Variants in MYO15A observed in about 807,000 individuals in gnomAD.
MYO15A encodes the protein unconventional myosin-XV.
Under a neutral mutation model 394.6 loss-of-function variants are expected in MYO15A, and 308 were observed. The ratio of observed to expected loss-of-function variants is 0.78; its 90% CI spans 0.71 to 0.86. The LOEUF is 0.86. Among genes scored for constraint, MYO15A ranks in the 40% least tolerant of loss-of-function variants. The pLI, the probability that MYO15A is intolerant of heterozygous loss-of-function variation, is 0.00. For missense variants in MYO15A, 4,606 were observed against 4,799.1 expected (o/e 0.96, Z 1.19); for synonymous variants, 1,957 against 2,003.8 (o/e 0.98, Z 0.62).
intron 58 of MYO15A, among the ~76,000 whole-genome samples, chr17:18,162,893 G>A (rs946134210): frequency 4.6e-5 from 7 of 152,126 alleles, no homozygotes; most frequent in Non-Finnish European, 8.8e-5. Context: ...CCAGCTACTC[G>A]GGAGGCTAAG....
Position 18,121,600 on chromosome 17 carries a change from C to T in MYO15A, c.2800C>T (p.Pro934Ser), listed in dbSNP as rs2045934125. 1 of 1,599,272 alleles carries T rather than the reference C, an allele frequency of 6.3e-7. No individual in the cohort carries two copies. Among genetic ancestry groups the T allele is most frequent in the Non-Finnish European group, 8.5e-7 (1 of 1,172,412 alleles). Reference sequence around the variant, plus strand: ...GGCCCCCAGCTGGGACGTGGACATGCCTCCCACCCAACGCCCACCCTCCCC... The same window carrying T: ...GGCCCCCAGCTGGGACGTGGACATGTCTCCCACCCAACGCCCACCCTCCCC... ...PLAPSWDVDM[P>S]PTQRPPSPWP... Residue 934 changes from proline (P) to serine (S), a missense_variant, in exon 2 of 66, where the codon CCT becomes TCT. Pro to Ser is a moderately conservative substitution (Grantham distance 74). Transcript: ENST00000647165. The surrounding 1 kb of genome is among the most constrained non-coding windows in gnomAD (Gnocchi z 5.3).
Position 18,119,367 on chromosome 17 carries a change from G to T in MYO15A, c.567G>T (p.Arg189Ser). ...EILRPGGRLR[R>S]FPRSRSIYAS... ...TGCGGCCTGGGGGCCGGCTCCGGAG[G>T]TTCCCCCGCAGCCGCAGCATCTACG... Residue 189 changes from arginine to serine, a missense_variant, in exon 2 of 66, where the codon AGG becomes AGT. Arg to Ser is a moderately radical substitution (Grantham distance 110). Coordinates refer to ENST00000647165, the MANE Select transcript of MYO15A (RefSeq NM_016239.4). The T allele has an allele frequency of 1.2e-6, 2 of 1,609,678 alleles. No homozygotes were observed. Among genetic ancestry groups the T allele is most frequent in the Non-Finnish European group, 8.5e-7 (1 of 1,179,324 alleles).
At chr17:18,140,401 G>A in intron 19 of MYO15A, 116 bp from the exon 20 acceptor site, 2 of 1,413,456 alleles carry the variant, frequency 1.4e-6, no homozygotes, top group Non-Finnish European at 2.0e-6. Context: ...GAGAACAGGG[G>A]TCCAGTTAGT....
At chr17:18,122,470 G>C in intron 2 of MYO15A, 61 bp downstream of exon 2, 1 of 1,560,772 alleles carries the variant, frequency 6.4e-7, no homozygotes, top group Non-Finnish European at 8.6e-7. Flanking sequence ...CAGGGCAAGA[G>C]AGACAGCCTG....
chr17:18,126,461 G>C lies in MYO15A; in HGVS notation c.3866+5G>C. The stretch of plus-strand genomic sequence containing the variant: ...GGCCCTGGGAGAGAATCCCCCGTGA[G>C]TGTCTCGGGGGCGCTGCCCTGGGGT... On this transcript the variant is annotated splice_donor_5th_base_variant and intron_variant, in intron 5 of 65. Transcript: ENST00000647165. 2 of 1,611,872 alleles carry C rather than the reference G, an allele frequency of 1.2e-6. No homozygotes were observed. Among genetic ancestry groups the C allele is most frequent in the Non-Finnish European group, 1.7e-6 (2 of 1,178,226 alleles).
intron 41 of MYO15A, 43 bp downstream of exon 41, chr17:18,151,994 CAA>C: frequency 6.5e-7 from 1 of 1,544,534 alleles, no homozygotes; most frequent in African/African-American, 1.4e-5. Flanking sequence ...GAACAGAAGA[CAA>C]AGAGGGGCCT....
intron 12 of MYO15A, among the ~76,000 whole-genome samples, chr17:18,133,798 A>G (rs909803681): frequency 2.6e-5 from 4 of 151,848 alleles, no homozygotes; most frequent in Non-Finnish European, 5.9e-5. Flanking sequence ...CTGGGATTAC[A>G]GGCACACACC....
intron 62 of MYO15A, among the ~76,000 whole-genome samples, chr17:18,170,795 A>G (rs1283772322): frequency 6.6e-6 from 1 of 152,238 alleles, no homozygotes; most frequent in Non-Finnish European, 1.5e-5. Context: ...CTGCATCTGC[A>G]TTATCTCAGC....
At position 18,154,718 on chromosome 17, in the gene MYO15A, C is replaced by A; in HGVS notation, c.8187C>A (p.Ile2729=). The change falls in exon 45 of 66, where the codon ATC becomes ATA. Residue 2729 remains isoleucine, a synonymous_variant. Coordinates refer to ENST00000647165, the MANE Select transcript of MYO15A (RefSeq NM_016239.4). ...CGCTCTCCGAGGCCTGCCTTCGCAT[C>A]TCTGAGGATGAGAGGCTCAGGATGA... The part of the protein sequence containing the change: ...HDTLSEACLR[I]SEDERLRMKA... 1.2e-6 allele frequency: 2 copies of A among 1,613,844 alleles called. 1 individual carries two copies. Among genetic ancestry groups the A allele is most frequent in the South Asian group, 2.2e-5 (2 of 91,086 alleles).
In MYO15A at chr17:18,119,425, G is replaced by T. The variant is rs571594379; in HGVS notation, c.625G>T (p.Glu209Ter). 1.2e-6 allele frequency: 2 copies of T among 1,612,264 alleles called. No individual in the cohort carries two copies. The highest frequency in any genetic ancestry group is 1.7e-6 in the Non-Finnish European group (2 of 1,179,942). ...SGEPLGFLPF[E>*]DEAPFHHSGS... is the part of the protein sequence containing the mutation. ...CGAGCCCCTGGGCTTCCTGCCCTTC[G>T]AGGACGAGGCCCCATTCCATCACTC... Residue 209 changes from glutamate to a stop codon, truncating the protein, a stop_gained, in exon 2 of 66, where the codon GAG becomes TAG. Coordinates refer to ENST00000647165, the MANE Select transcript of MYO15A (RefSeq NM_016239.4). LOFTEE classifies it high-confidence loss of function.
At chr17:18,151,029 C>A in intron 38 of MYO15A, 81 bp from the exon 39 acceptor site, 1 of 1,605,810 alleles carries the variant, frequency 6.2e-7, no homozygotes, top group South Asian at 1.1e-5. Flanking sequence ...CTCCACAACC[C>A]ATCTCTGACA....
rs1233040127 is a variant in MYO15A at position 18,148,120 on chromosome 17, G to C, written c.6601G>C (p.Gly2201Arg). The change falls in exon 31 of 66, where the codon GGG becomes CGG. Residue 2201 changes from glycine (G) to arginine (R), a missense_variant. By Grantham distance (125) the Gly-to-Arg change is moderately radical. Around this residue, in one of 2 missense-constraint regions of MYO15A, gnomAD observed 2,776 missense variants for 3,109.3 expected, o/e 0.89. Coordinates refer to ENST00000647165, the MANE Select transcript of MYO15A (RefSeq NM_016239.4). This position sits in a 1 kb window ranked among gnomAD's most constrained non-coding sequence, Gnocchi z 4.8. The stretch of plus-strand genomic sequence containing the variant: ...GGGCCGGGCCCAACAGCAGGGCTCG[G>C]GGGCTGCCCGCACCTTACCCCCGAC... ...AMGRAQQQGS[G>R]AARTLPPTQL... 48 of 1,613,730 alleles carry C rather than the reference G, an allele frequency of 3.0e-5. No homozygotes were observed. The highest frequency in any genetic ancestry group is 3.7e-5 in the Non-Finnish European group (44 of 1,180,050).
At position 18,120,816 on chromosome 17, in the gene MYO15A, C is replaced by G; in HGVS notation, c.2016C>G (p.Ser672=). 1.6e-6 allele frequency: 2 copies of G among 1,218,466 alleles called. No homozygotes were observed. Among genetic ancestry groups the G allele is most frequent in the Non-Finnish European group, 2.0e-6 (2 of 978,860 alleles). 75.5% of individuals were successfully genotyped at this position (1,218,466 alleles called of 1,614,324 possible). Residue 672 remains serine, a synonymous_variant, in exon 2 of 66, where the codon TCC becomes TCG. Transcript: ENST00000647165. The part of the protein sequence containing the change: ...SPPVPPRPPS[S]GPPPAPPLSP... ...CCGTGCCCCCGCGGCCCCCAAGCTC[C>G]GGGCCCCCGCCCGCGCCGCCGCTCT... is the stretch of plus-strand genomic sequence containing the variant.
At position 18,119,380 on chromosome 17, in the gene MYO15A, C is replaced by G; in HGVS notation, c.580C>G (p.Arg194Gly). 1 of 1,610,574 alleles carries G rather than the reference C, an allele frequency of 6.2e-7. No individual in the cohort carries two copies. Among genetic ancestry groups the G allele is most frequent in the Non-Finnish European group, 8.5e-7 (1 of 1,179,654 alleles). ...CCGGCTCCGGAGGTTCCCCCGCAGCCGCAGCATCTACGCGTCAGGCGAGCC... is the reference window on the plus strand; with the variant it reads ...CCGGCTCCGGAGGTTCCCCCGCAGCGGCAGCATCTACGCGTCAGGCGAGCC... ...GGRLRRFPRS[R>G]SIYASGEPLG... is the part of the protein sequence containing the mutation. The change falls in exon 2 of 66, where the codon CGC becomes GGC. Residue 194 changes from arginine to glycine, a missense_variant. Physicochemically the swap from Arg to Gly is moderately radical, Grantham distance 125. Around this residue, in one of 2 missense-constraint regions of MYO15A, gnomAD observed 1,830 missense variants for 1,689.7 expected, o/e 1.08. Coordinates refer to ENST00000647165, the MANE Select transcript of MYO15A (RefSeq NM_016239.4).
At position 18,120,488 on chromosome 17, in the gene MYO15A, G is replaced by A. The variant is rs766250103; in HGVS notation, c.1688G>A (p.Arg563His). Residue 563 changes from arginine (R) to histidine (H), a missense_variant, in exon 2 of 66, where the codon CGC becomes CAC. Transcript: ENST00000647165. ...CTGGGCTTCGGCCCTGAGTTTGGCC[G>A]CCCCGTGCCTCGCCCTGCCACCTCG... ...RGLGFGPEFG[R>H]PVPRPATSLA... 1 of 1,573,014 alleles carries A rather than the reference G, an allele frequency of 6.4e-7. No homozygotes were observed. The highest frequency in any genetic ancestry group is 8.6e-7 in the Non-Finnish European group (1 of 1,163,158).
chr17:18,142,311 T>C (rs2046396506), intron 24 of MYO15A, 57 bp downstream of exon 24: 10 of 1,572,724 alleles, frequency 6.4e-6, no homozygotes, highest in Non-Finnish European at 7.8e-6. Flanking sequence ...TCGGGAGAGG[T>C]CACGCCTGAA....
chr17:18,171,992 G>T (rs557335531), intron 63 of MYO15A, among the ~76,000 whole-genome samples, 165 bp from the exon 64 acceptor site: 1 of 152,224 alleles, frequency 6.6e-6, no homozygotes, highest in Non-Finnish European at 1.5e-5. Flanking sequence ...AGCAGGGATA[G>T]AGGAAGAGGC....
chr17:18,172,377 C>T (rs543961963), intron 64 of MYO15A, 87 bp downstream of exon 64: 202 of 1,584,834 alleles, frequency 1.3e-4, no homozygotes, highest in African/African-American at 3.9e-4. Context: ...CTCCAGCCGC[C>T]GAAGCCCAGT....
chr17:18,159,390 A>G, intron 54 of MYO15A, 43 bp downstream of exon 54: 1 of 1,605,872 alleles, frequency 6.2e-7, no homozygotes, highest in Non-Finnish European at 8.5e-7. Flanking sequence ...GCTAGGTGGG[A>G]TCCAGCACTG....
Sources: gnomAD v4.1 joint callset for allele counts (sites outside exome capture counted in the v4.1 genomes callset) on GRCh38, gnomAD v4.1.1 for gene constraint, gnomAD v4.1.1 regional missense constraint, Gnocchi (gnomAD v3.1) non-coding constraint, MANE v1.5 for transcripts, NCBI Gene and HGNC (gene_info 2026-07-23, HGNC 2026-07-21) for gene names.